The following MAP3K9 variants were observed in gnomAD, a reference collection of about 807,000 sequenced individuals.
The protein encoded by MAP3K9 is mitogen-activated protein kinase kinase kinase 9.
Under a neutral mutation model 95.8 loss-of-function variants are expected in MAP3K9, and 46 were observed. The ratio of observed to expected loss-of-function variants is 0.48; its 90% CI spans 0.38 to 0.61. The LOEUF (loss-of-function observed/expected upper bound fraction) is 0.61. Ranked by LOEUF, MAP3K9 falls within the 20% of genes least tolerant of loss-of-function variation. MAP3K9 has a pLI of 0.00. For synonymous variants in MAP3K9, 533 were observed against 593.8 expected (o/e 0.90, Z 1.49); for missense variants, 1,296 against 1,474.3 (o/e 0.88, Z 1.98).
intron 3 of MAP3K9, chr14:70,752,861 G>C (rs879217573): frequency 6.6e-6 from 1 of 152,418 alleles, no homozygotes; most frequent in African/African-American, 2.4e-5. Flanking sequence ...GAAGCATGTC[G>C]GGGGTGAGGC....
chr14:70,799,820 A>G (rs2054908891), intron 2 of MAP3K9, among the ~76,000 whole-genome samples: 1 of 152,172 alleles, frequency 6.6e-6, no homozygotes, highest in African/African-American at 2.4e-5. Context: ...TTCAACTCAA[A>G]TGCCCTCCTC....
At chr14:70,765,995 A>G (rs1817733203) in intron 2 of MAP3K9, among the ~76,000 whole-genome samples, 1 of 152,098 alleles carries the variant, frequency 6.6e-6, no homozygotes, top group Admixed American at 6.6e-5. Context: ...GCAGTGGAAC[A>G]GAAAGGAAAA....
Position 70,801,094 on chromosome 14 carries a change from GA to G in MAP3K9, c.407-15del. 1 of 1,582,918 alleles carries G rather than the reference GA, an allele frequency of 6.3e-7. No individual in the cohort carries two copies. The highest frequency in any genetic ancestry group is 8.6e-7 in the Non-Finnish European group (1 of 1,163,872). On this transcript the variant is annotated splice_polypyrimidine_tract_variant and intron_variant, in intron 1 of 11. Coordinates refer to ENST00000554752, the MANE Select transcript of MAP3K9 (RefSeq NM_001284230.2). ...CAATTTCTAACACTGAGAAAGGGAA[GA>G]AAAAAAGAAGCAAGTCAAAAACATC... is the stretch of plus-strand genomic sequence containing the variant.
At chr14:70,742,632 C>T (rs371433750) in intron 5 of MAP3K9, 41 bp from the exon 6 acceptor site, 8 of 1,602,690 alleles carry the variant, frequency 5.0e-6, no homozygotes, top group Non-Finnish European at 6.8e-6. Context: ...GACTGGGGTG[C>T]TCAGTGCAGA....
Position 70,782,897 on chromosome 14 carries a change from C to G in MAP3K9, c.820+17770G>C, listed in dbSNP as rs1378107635. 1.3e-5 allele frequency among the ~76,000 whole-genome samples: 2 copies of G among 152,168 alleles called. 1 individual carries two copies. Among genetic ancestry groups the G allele is most frequent in the Non-Finnish European group, 2.9e-5 (2 of 68,020 alleles). On this transcript the variant is annotated intron_variant, in intron 2 of 11. Coordinates refer to ENST00000554752, the MANE Select transcript of MAP3K9 (RefSeq NM_001284230.2). The stretch of plus-strand genomic sequence containing the variant: ...TATACAAATTCTCTAGATGTTACAC[C>G]TCAGTTTCCAGGTGAAAGCCAGTCC...
intron 1 of MAP3K9, among the ~76,000 whole-genome samples, chr14:70,803,532 C>T (rs561575623): frequency 2.0e-5 from 3 of 152,210 alleles, no homozygotes; most frequent in South Asian, 4.2e-4. Context: ...GTAACGCCTC[C>T]GTTCTCCACT....
At chr14:70,765,802 C>T (rs533809586) in intron 2 of MAP3K9, among the ~76,000 whole-genome samples, 8 of 149,124 alleles carry the variant, frequency 5.4e-5, no homozygotes, top group South Asian at 2.1e-4. Flanking sequence ...TGAGCCATAG[C>T]GGGACAAGCT....
Position 70,748,931 on chromosome 14 carries a change from C to T in MAP3K9, c.1224G>A (p.Glu408=), listed in dbSNP as rs767027062. 6.2e-7 allele frequency: 1 copy of T among 1,614,074 alleles called. No homozygotes were observed. The highest frequency in any genetic ancestry group is 1.7e-5 in the Admixed American group (1 of 60,026). Residue 408 remains glutamate, a synonymous_variant, in exon 5 of 12, where the codon GAG becomes GAA. Coordinates refer to ENST00000554752, the MANE Select transcript of MAP3K9 (RefSeq NM_001284230.2). ...NILDQLTTIE[E]SGFFEMPKDS... ...CCTTGGGCATTTCAAAGAAACCAGACTCCTCTATGGTGGTTAGCTGGTCCA... is the reference window on the plus strand; with the variant it reads ...CCTTGGGCATTTCAAAGAAACCAGATTCCTCTATGGTGGTTAGCTGGTCCA...
intron 2 of MAP3K9, among the ~76,000 whole-genome samples, chr14:70,777,852 G>C (rs1380802606): frequency 6.6e-6 from 1 of 152,136 alleles, no homozygotes; most frequent in Non-Finnish European, 1.5e-5. Flanking sequence ...ATTATAATCA[G>C]GACAGAATCC....
chr14:70,783,527 A>C, intron 2 of MAP3K9: 1 of 459,522 alleles, frequency 2.2e-6, no homozygotes, highest in Non-Finnish European at 2.9e-6. Flanking sequence ...GCAAAATCCA[A>C]ATTCTCTTTG....
chr14:70,753,263 G>C (rs1454504810), intron 3 of MAP3K9, among the ~76,000 whole-genome samples: 1 of 152,082 alleles, frequency 6.6e-6, no homozygotes, highest in African/African-American at 2.4e-5. Flanking sequence ...TCTCCAAAAG[G>C]GCCTGAAATG....
chr14:70,787,011 T>C (rs1478481764), intron 2 of MAP3K9, among the ~76,000 whole-genome samples: 1 of 152,102 alleles, frequency 6.6e-6, no homozygotes, highest in Non-Finnish European at 1.5e-5. Context: ...ATGTACACCG[T>C]GAATAAAACA....
intron 8 of MAP3K9, among the ~76,000 whole-genome samples, chr14:70,737,999 G>C (rs2054008693): frequency 6.6e-6 from 1 of 152,168 alleles, no homozygotes. Context: ...AGTTGTGACA[G>C]GGCCATAGGA....
chr14:70,808,750 C>T lies in MAP3K9; in HGVS notation c.406+16G>A. The T allele has an allele frequency of 1.4e-6, 2 of 1,470,884 alleles. No individual in the cohort carries two copies. The highest frequency in any genetic ancestry group is 2.7e-5 in the South Asian group (2 of 75,316). The allele number at this position is 1,470,884 out of a possible 1,614,324, so 91.1% of individuals were successfully genotyped here. On this transcript the variant is annotated intron_variant, in intron 1 of 11. Coordinates refer to ENST00000554752, the MANE Select transcript of MAP3K9 (RefSeq NM_001284230.2). ...CCGTCATTCCCCCTCCCCGCCCGGC[C>T]CCGCCTTCGCCTTACACTGAATGGG...
At chr14:70,751,681 T>C (rs1271574177) in intron 3 of MAP3K9, among the ~76,000 whole-genome samples, 1 of 152,174 alleles carries the variant, frequency 6.6e-6, no homozygotes, top group Non-Finnish European at 1.5e-5. Flanking sequence ...ATCACGCCAC[T>C]GCACTCTAGC....
chr14:70,789,268 A>G (rs1488876192), intron 2 of MAP3K9, among the ~76,000 whole-genome samples: 1 of 152,178 alleles, frequency 6.6e-6, no homozygotes, highest in African/African-American at 2.4e-5. Context: ...CAGCAGAATT[A>G]AATCTGCCTG....
chr14:70,760,597 A>G (rs2054359464), intron 3 of MAP3K9, among the ~76,000 whole-genome samples: 1 of 152,140 alleles, frequency 6.6e-6, no homozygotes, highest in African/African-American at 2.4e-5. Flanking sequence ...CATTGGGTTA[A>G]TCCCCTCCCC....
chr14:70,750,146 C>CAT (rs10630067), intron 3 of MAP3K9, 65 bp from the exon 4 acceptor site: 1,286,442 of 1,456,500 alleles, frequency 0.88, 568,836 homozygotes, highest in Middle Eastern at 0.92. Context: ...TGCAATAGCT[C>CAT]GAGTCTTTTC....
chr14:70,772,544 G>C (rs187391690), intron 2 of MAP3K9, among the ~76,000 whole-genome samples: 41 of 152,166 alleles, frequency 2.7e-4, no homozygotes, highest in African/African-American at 7.2e-4. Flanking sequence ...ATCCCAAAAG[G>C]TGTCTGCTTA....
Sources: gnomAD v4.1 joint callset for allele counts (sites outside exome capture counted in the v4.1 genomes callset) on GRCh38, gnomAD v4.1.1 for gene constraint, MANE v1.5 for transcripts, NCBI Gene and HGNC (gene_info 2026-07-23, HGNC 2026-07-21) for gene names.